CCBE1: variants seen among roughly 807,000 people sequenced by gnomAD.
The protein encoded by CCBE1 is collagen and calcium-binding EGF domain-containing protein 1.
In CCBE1, 37 loss-of-function variants were observed where a neutral mutation model predicts 50.0. The observed-to-expected ratio is 0.74, with a 90% confidence interval of 0.57 to 0.97. The LOEUF is 0.97. Ranked by LOEUF, CCBE1 falls within the 50% of genes least tolerant of loss-of-function variation. CCBE1 has a pLI of 0.00. For synonymous variants in CCBE1, 234 were observed against 203.7 expected (o/e 1.15, Z -1.27); for missense variants, 538 against 523.8 (o/e 1.03, Z -0.26).
chr18:59,566,065 G>C (rs1308634477), intron 2 of CCBE1, among the ~76,000 whole-genome samples: 1 of 152,146 alleles, frequency 6.6e-6, no homozygotes, highest in Non-Finnish European at 1.5e-5. Context: ...ATAAGAAAAA[G>C]CCATATCTGG....
intron 2 of CCBE1, among the ~76,000 whole-genome samples, chr18:59,483,926 C>G (rs1473474167): frequency 6.6e-6 from 1 of 152,180 alleles, no homozygotes; most frequent in African/African-American, 2.4e-5. Flanking sequence ...AATCATCCAT[C>G]CAATTTACCA....
chr18:59,565,818 C>G (rs1423895531), intron 2 of CCBE1, among the ~76,000 whole-genome samples: 1 of 151,712 alleles, frequency 6.6e-6, no homozygotes, highest in Non-Finnish European at 1.5e-5. Context: ...CTGAAACACA[C>G]TGCTGGGTTT....
intron 2 of CCBE1, among the ~76,000 whole-genome samples, chr18:59,613,720 G>A (rs113076843): frequency 6.6e-6 from 1 of 151,726 alleles, no homozygotes; most frequent in Non-Finnish European, 1.5e-5. Context: ...GCAACATAGT[G>A]AGACCCCATC....
At chr18:59,440,277 C>T (rs1910360781) in intron 7 of CCBE1, among the ~76,000 whole-genome samples, 4 of 152,152 alleles carry the variant, frequency 2.6e-5, no homozygotes, top group Admixed American at 2.6e-4. Flanking sequence ...TGACAAGTTG[C>T]CTGAGCCATC....
intron 2 of CCBE1, among the ~76,000 whole-genome samples, chr18:59,531,533 A>G (rs1915050054): frequency 1.3e-5 from 2 of 152,256 alleles, no homozygotes; most frequent in Admixed American, 1.3e-4. Context: ...GGATTGCTTG[A>G]GCCCAAGAAT....
chr18:59,519,670 G>A (rs983198804), intron 2 of CCBE1, among the ~76,000 whole-genome samples: 2 of 152,166 alleles, frequency 1.3e-5, no homozygotes, highest in African/African-American at 4.8e-5. Flanking sequence ...AAGCTCTTTA[G>A]TTTAATTAGA....
chr18:59,560,103 G>T (rs1431403349), intron 2 of CCBE1, among the ~76,000 whole-genome samples: 4 of 152,236 alleles, frequency 2.6e-5, no homozygotes, highest in Non-Finnish European at 4.4e-5. Context: ...TGGGAGTTGG[G>T]ATGACAAGGC....
Position 59,693,864 on chromosome 18 carries a change from C to CTTTTTTT in CCBE1, c.212+2758_212+2764dup, listed in dbSNP as rs11410421. Among the ~76,000 whole-genome samples the CTTTTTTT allele has an allele frequency of 7.1e-4, 50 of 70,766 alleles. 4 individuals are homozygous for CTTTTTTT. Among genetic ancestry groups the CTTTTTTT allele is most frequent in the African/African-American group, 2.7e-3 (43 of 16,016 alleles). 46.4% of individuals were successfully genotyped at this position (70,766 alleles called of 152,430 possible). On this transcript the variant is annotated intron_variant, in intron 2 of 10. Transcript: ENST00000439986. The stretch of plus-strand genomic sequence containing the variant: ...AGAATATTTCTTGTTAAAGGAAAGC[C>CTTTTTTT]TTTTTTTTTTTTTTTTTTTTTTTTT...
chr18:59,684,690 G>A (rs143073472), intron 2 of CCBE1, among the ~76,000 whole-genome samples: 1 of 152,204 alleles, frequency 6.6e-6, no homozygotes, highest in Non-Finnish European at 1.5e-5. Flanking sequence ...CAGCATAATT[G>A]CTGTTGTAAC....
At chr18:59,557,359 A>G (rs570899327) in intron 2 of CCBE1, among the ~76,000 whole-genome samples, 1 of 152,134 alleles carries the variant, frequency 6.6e-6, no homozygotes, top group East Asian at 1.9e-4. Flanking sequence ...CTCATCACTC[A>G]GTTTCTGCTT....
chr18:59,697,432 C>G (rs952886114), upstream of CCBE1: 2 of 1,482,776 alleles, frequency 1.3e-6, no homozygotes, highest in Admixed American at 4.4e-5. Context: ...TCCCTCTTCC[C>G]GGCAGGGGGC....
intron 2 of CCBE1, among the ~76,000 whole-genome samples, chr18:59,681,820 G>C (rs916055757): frequency 6.6e-6 from 1 of 152,244 alleles, no homozygotes; most frequent in African/African-American, 2.4e-5. Context: ...AGGCTGATTA[G>C]AGATAAGTAC....
intron 2 of CCBE1, among the ~76,000 whole-genome samples, chr18:59,523,625 A>C (rs935130606): frequency 6.6e-6 from 1 of 152,170 alleles, no homozygotes; most frequent in African/African-American, 2.4e-5. Context: ...ACGAATTAGC[A>C]CTTGATTGTC....
chr18:59,551,096 A>C (rs1323720714), intron 2 of CCBE1, among the ~76,000 whole-genome samples: 2 of 152,072 alleles, frequency 1.3e-5, no homozygotes, highest in African/African-American at 4.8e-5. Context: ...TATAAGTTCT[A>C]AACAATGCAT....
At chr18:59,590,430 G>A (rs891424116) in intron 2 of CCBE1, among the ~76,000 whole-genome samples, 12 of 152,102 alleles carry the variant, frequency 7.9e-5, no homozygotes, top group Non-Finnish European at 1.3e-4. Flanking sequence ...GACTCAGTAA[G>A]GATCAGTTCT....
chr18:59,578,491 T>C lies in CCBE1; in HGVS notation c.213-98253A>G, dbSNP rs568101558. Among the ~76,000 whole-genome samples, 14 of 152,278 alleles carry C rather than the reference T, an allele frequency of 9.2e-5. No individual in the cohort carries two copies. In the South Asian group the frequency reaches 1.5e-3, roughly 16 times the overall value. On this transcript the variant is annotated intron_variant, in intron 2 of 10. Transcript: ENST00000439986. ...TAAATCATTCTACTATAAAGGCACA[T>C]ACACACGTACGTTTACTGCGGCTCT...
chr18:59,622,380 C>T (rs997345081), intron 2 of CCBE1, among the ~76,000 whole-genome samples: 4 of 151,990 alleles, frequency 2.6e-5, no homozygotes, highest in Admixed American at 6.6e-5. Flanking sequence ...CCTGTAATCT[C>T]GGGATTACAG....
intron 2 of CCBE1, among the ~76,000 whole-genome samples, chr18:59,634,119 C>T (rs1172722620): frequency 6.6e-6 from 1 of 152,184 alleles, no homozygotes; most frequent in Non-Finnish European, 1.5e-5. Context: ...ATGTGACAAG[C>T]TAAAACTCAA....
rs553062132 is a variant in CCBE1, at chr18:59,696,829, A to T, written c.132-120T>A. 16 of 1,122,798 alleles carry T rather than the reference A, an allele frequency of 1.4e-5. No individual in the cohort carries two copies. In the South Asian group the frequency reaches 1.8e-4, roughly 12 times the overall value. 69.6% of individuals were successfully genotyped at this position (1,122,798 alleles called of 1,614,324 possible). On this transcript the variant is annotated intron_variant, in intron 1 of 10. Transcript: ENST00000439986. Reference sequence around the variant, plus strand: ...GGCTCCCCGTCCCGGCGCTCTGGGCAGGGGCTGGTCCCCAAACGCGTACGC... The same window carrying T: ...GGCTCCCCGTCCCGGCGCTCTGGGCTGGGGCTGGTCCCCAAACGCGTACGC...
Sources: allele counts gnomAD v4.1 joint callset (sites outside exome capture counted in the v4.1 genomes callset), GRCh38; gene constraint gnomAD v4.1.1; transcripts MANE v1.5; gene names NCBI Gene and HGNC (gene_info 2026-07-23, HGNC 2026-07-21).